Variants in AGBL4 observed in about 807,000 individuals in gnomAD.
AGBL4 encodes the protein cytosolic carboxypeptidase 6.
In AGBL4, 58 loss-of-function variants were observed where a neutral mutation model predicts 66.4. The observed-to-expected ratio is 0.87, with a 90% CI of 0.71 to 1.09. AGBL4 has a LOEUF of 1.09. Ranked by LOEUF, AGBL4 falls within the 50% of genes least tolerant of loss-of-function variation. The probability of loss-of-function intolerance (pLI) is 0.00; values close to 1 mark genes in which losing one functional copy is unlikely to be tolerated. For missense variants in AGBL4, 579 were observed against 631.0 expected (o/e 0.92, Z 0.88); for synonymous variants, 234 against 222.9 (o/e 1.05, Z -0.44).
At chr1:49,898,969 G>T (rs1046929046) in intron 1 of AGBL4, among the ~76,000 whole-genome samples, 14 of 152,092 alleles carry the variant, frequency 9.2e-5, no homozygotes, top group Non-Finnish European at 4.4e-5. Flanking sequence ...GTTACCAGAG[G>T]CTACAAAGAG....
intron 6 of AGBL4, among the ~76,000 whole-genome samples, chr1:48,811,266 G>A (rs1558010920): frequency 6.6e-6 from 1 of 152,114 alleles, no homozygotes; most frequent in East Asian, 1.9e-4. Flanking sequence ...CTGAGGGCCC[G>A]AAGGAACTGC....
chr1:49,256,301 G>A (rs1348396335), intron 3 of AGBL4, among the ~76,000 whole-genome samples: 1 of 151,918 alleles, frequency 6.6e-6, no homozygotes, highest in Non-Finnish European at 1.5e-5. Context: ...ATGTACAGTT[G>A]TAATATATCA....
chr1:48,628,874 G>A (rs1645547315), intron 9 of AGBL4, among the ~76,000 whole-genome samples: 1 of 131,448 alleles, frequency 7.6e-6, no homozygotes, highest in Non-Finnish European at 1.5e-5. Context: ...CGTTTCCAAA[G>A]CACTGTTTGC....
intron 6 of AGBL4, among the ~76,000 whole-genome samples, chr1:48,778,902 T>C (rs1645212847): frequency 6.6e-6 from 1 of 152,200 alleles, no homozygotes; most frequent in Non-Finnish European, 1.5e-5. Flanking sequence ...CCACTGGTTA[T>C]GTGGTACAGC....
At chr1:49,493,654 G>C (rs974557986) in intron 3 of AGBL4, among the ~76,000 whole-genome samples, 3 of 152,022 alleles carry the variant, frequency 2.0e-5, no homozygotes, top group African/African-American at 7.2e-5. Flanking sequence ...AACCATGTGA[G>C]AGGAAACTGA....
At chr1:49,604,608 G>C (rs116322881) in intron 3 of AGBL4, among the ~76,000 whole-genome samples, 26 of 151,932 alleles carry the variant, frequency 1.7e-4, no homozygotes, top group African/African-American at 6.0e-4. Context: ...TGTTTTTGTC[G>C]CATTTGCTTT....
At chr1:48,896,683 T>C (rs1340785386) in intron 5 of AGBL4, among the ~76,000 whole-genome samples, 1 of 151,804 alleles carries the variant, frequency 6.6e-6, no homozygotes, top group Non-Finnish European at 1.5e-5. Context: ...GAGAAGCAGG[T>C]GTGGTGCTAC....
intron 6 of AGBL4, among the ~76,000 whole-genome samples, chr1:48,753,897 C>T (rs1291488070): frequency 6.6e-6 from 1 of 152,152 alleles, no homozygotes; most frequent in African/African-American, 2.4e-5. Flanking sequence ...ACAAAGCACA[C>T]ACAAAATCTA....
intron 6 of AGBL4, among the ~76,000 whole-genome samples, chr1:48,697,894 G>GA (rs942489433): frequency 6.6e-6 from 1 of 152,122 alleles, no homozygotes; most frequent in East Asian, 1.9e-4. Flanking sequence ...GAATATTTGA[G>GA]AAAAAAACGT....
At chr1:49,618,142 A>G (rs772391919) in intron 3 of AGBL4, among the ~76,000 whole-genome samples, 1 of 152,154 alleles carries the variant, frequency 6.6e-6, no homozygotes, top group Admixed American at 6.5e-5. Context: ...GCTGAGAATT[A>G]TGGTTTCCAG....
chr1:49,405,936 G>A (rs1645187201), intron 3 of AGBL4, among the ~76,000 whole-genome samples: 1 of 152,158 alleles, frequency 6.6e-6, no homozygotes, highest in South Asian at 2.1e-4. Context: ...AAGAAGAAAG[G>A]AGACTCAGTT....
intron 3 of AGBL4, among the ~76,000 whole-genome samples, chr1:49,408,889 C>T (rs967868911): frequency 5.9e-5 from 9 of 152,168 alleles, no homozygotes; most frequent in Non-Finnish European, 1.2e-4. Flanking sequence ...CCTTAATAAA[C>T]TCCCTTTCAT....
chr1:48,523,765 G>C, the AGBL4 span, among the ~76,000 whole-genome samples: 4 of 152,272 alleles, frequency 2.6e-5, no homozygotes, highest in African/African-American at 9.6e-5. Flanking sequence ...GATACGTTCT[G>C]AGAAATGCAT....
intron 1 of AGBL4, among the ~76,000 whole-genome samples, chr1:49,948,357 T>A (rs1655664796): frequency 8.8e-6 from 1 of 113,562 alleles, no homozygotes; most frequent in Non-Finnish European, 1.6e-5. Context: ...TATATATAAA[T>A]ATATAAATAC....
At chr1:48,835,251 G>T (rs1277978854) in intron 6 of AGBL4, among the ~76,000 whole-genome samples, 1 of 152,052 alleles carries the variant, frequency 6.6e-6, no homozygotes, top group African/African-American at 2.4e-5. Context: ...CCCTATCAGG[G>T]GCAGAATGTT....
At chr1:49,386,261 ATGGATG>A (rs1392405880) in intron 3 of AGBL4, among the ~76,000 whole-genome samples, 1 of 117,098 alleles carries the variant, frequency 8.5e-6, no homozygotes, top group Non-Finnish European at 1.9e-5. Flanking sequence ...GGATGGATGG[ATGGATG>A]TGTGTGTGTG....
At chr1:49,919,912 CAG>C (rs1270702948) in intron 1 of AGBL4, among the ~76,000 whole-genome samples, 1 of 152,144 alleles carries the variant, frequency 6.6e-6, no homozygotes, top group East Asian at 1.9e-4. Context: ...TGGAACAGAA[CAG>C]AGTCCTCAGA....
intron 2 of AGBL4, among the ~76,000 whole-genome samples, chr1:49,747,121 G>T (rs141384792): frequency 6.6e-6 from 1 of 152,294 alleles, no homozygotes; most frequent in African/African-American, 2.4e-5. Flanking sequence ...ACCCTTGACA[G>T]AATTATTCAA....
intron 1 of AGBL4, among the ~76,000 whole-genome samples, chr1:49,863,368 C>G (rs1009060763): frequency 6.6e-6 from 1 of 152,160 alleles, no homozygotes; most frequent in Non-Finnish European, 1.5e-5. Flanking sequence ...GGACATTGGT[C>G]TGGCCAAAGA....
Sources: gnomAD v4.1 joint callset for allele counts (sites outside exome capture counted in the v4.1 genomes callset) on GRCh38, gnomAD v4.1.1 for gene constraint, MANE v1.5 for transcripts, NCBI Gene and HGNC (gene_info 2026-07-23, HGNC 2026-07-21) for gene names.